The following PPP1R1C variants were observed in gnomAD, a reference collection of about 807,000 sequenced individuals.
The protein encoded by PPP1R1C is protein phosphatase 1 regulatory subunit 1C.
In PPP1R1C, 15 loss-of-function variants were observed where a neutral mutation model predicts 17.4. The observed-to-expected ratio is 0.86, with a 90% CI of 0.58 to 1.33. The LOEUF (loss-of-function observed/expected upper bound fraction) is 1.33, where lower values mean the gene tolerates loss of function less well. PPP1R1C is among the 40% of genes most tolerant of loss of function. The pLI, the probability that PPP1R1C is intolerant of heterozygous loss-of-function variation, is 0.00. For synonymous variants in PPP1R1C, 35 were observed against 43.1 expected, an observed-to-expected ratio of 0.81 and a Z score of 0.73; for missense variants, 143 against 130.0, an observed-to-expected ratio of 1.10 and a Z score of -0.48.
intron 2 of PPP1R1C, among the ~76,000 whole-genome samples, chr2:182,010,345 ATTAAG>A (rs1274325848): frequency 6.6e-6 from 1 of 151,738 alleles, no homozygotes; most frequent in African/African-American, 2.4e-5. Context: ...TACTTCTTTA[ATTAAG>A]TTTATTCCCA....
chr2:182,100,393 C>G (rs1211976333), intron 4 of PPP1R1C, among the ~76,000 whole-genome samples: 1 of 151,824 alleles, frequency 6.6e-6, no homozygotes, highest in Admixed American at 6.6e-5. Context: ...GCCTGTAGTC[C>G]CAGCTACTCG....
At chr2:182,062,326 GTT>G (rs1687874766) in intron 3 of PPP1R1C, among the ~76,000 whole-genome samples, 1 of 152,038 alleles carries the variant, frequency 6.6e-6, no homozygotes. Flanking sequence ...TTATTAGTAA[GTT>G]TACACTGTGT....
chr2:182,098,464 T>C (rs911281682), intron 4 of PPP1R1C, among the ~76,000 whole-genome samples: 1 of 152,158 alleles, frequency 6.6e-6, no homozygotes, highest in African/African-American at 2.4e-5. Context: ...CTAAAGTTAT[T>C]TATGTAAAGA....
intron 4 of PPP1R1C, among the ~76,000 whole-genome samples, chr2:182,090,696 A>G (rs902271319): frequency 6.6e-6 from 1 of 152,206 alleles, no homozygotes; most frequent in African/African-American, 2.4e-5. Flanking sequence ...CTGAGAATAA[A>G]GTCAGAGAAT....
chr2:182,114,027 A>C (rs1689512268), intron 4 of PPP1R1C, among the ~76,000 whole-genome samples: 1 of 152,130 alleles, frequency 6.6e-6, no homozygotes, highest in East Asian at 1.9e-4. Context: ...GTCAAAATTT[A>C]TTTCTTTTCC....
chr2:182,075,935 T>C (rs913200312), intron 4 of PPP1R1C, among the ~76,000 whole-genome samples: 2 of 152,088 alleles, frequency 1.3e-5, no homozygotes, highest in Non-Finnish European at 2.9e-5. Context: ...GCTCACATTA[T>C]GTAAAAATAG....
At chr2:181,985,760 G>A (rs896644956), upstream of PPP1R1C, 2 of 294,142 alleles carry the variant, frequency 6.8e-6, no homozygotes, top group African/African-American at 4.3e-5. This position sits in a 1 kb window ranked among gnomAD's most constrained non-coding sequence, Gnocchi z 4.1. Flanking sequence ...AAATCCCAGG[G>A]CAGTGGGTCC....
chr2:182,021,987 G>C (rs983018109), intron 2 of PPP1R1C, among the ~76,000 whole-genome samples: 5 of 152,168 alleles, frequency 3.3e-5, no homozygotes, highest in Non-Finnish European at 7.3e-5. Context: ...GCTACAATCA[G>C]AGTTAAAAAG....
At chr2:182,104,990 G>A (rs1317334223) in intron 4 of PPP1R1C, among the ~76,000 whole-genome samples, 1 of 151,992 alleles carries the variant, frequency 6.6e-6, no homozygotes, top group Non-Finnish European at 1.5e-5. Context: ...TAGCAGAATG[G>A]AAGAAACTGA....
chr2:181,965,774 T>G (rs186703620), intron 1 of PPP1R1C, among the ~76,000 whole-genome samples: 36 of 152,312 alleles, frequency 2.4e-4, no homozygotes, highest in Non-Finnish European at 1.9e-4. Context: ...CGGGATAGCT[T>G]TGGCTATTCT....
At chr2:182,057,945 G>A (rs140904948) in intron 2 of PPP1R1C, among the ~76,000 whole-genome samples, 1 of 151,964 alleles carries the variant, frequency 6.6e-6, no homozygotes, top group African/African-American at 2.4e-5. Context: ...TTTTTTTAAA[G>A]AGTTTTAGAT....
At chr2:182,043,452 G>A (rs778032726) in intron 2 of PPP1R1C, among the ~76,000 whole-genome samples, 10 of 151,932 alleles carry the variant, frequency 6.6e-5, no homozygotes, top group Admixed American at 5.9e-4. Context: ...TGTTGAAATC[G>A]AGCATAGAAC....
At chr2:182,077,885 A>G (rs548966558) in intron 4 of PPP1R1C, among the ~76,000 whole-genome samples, 4 of 152,346 alleles carry the variant, frequency 2.6e-5, no homozygotes, top group African/African-American at 9.6e-5. Context: ...ATAATGTTTA[A>G]GAAGTGGAAC....
intron 4 of PPP1R1C, among the ~76,000 whole-genome samples, chr2:182,110,943 G>A (rs1158044033): frequency 1.3e-5 from 2 of 152,110 alleles, no homozygotes; most frequent in Non-Finnish European, 2.9e-5. Context: ...AGGGGCACAT[G>A]ACTGTGGAGG....
chr2:182,031,856 A>T (rs550814524), intron 2 of PPP1R1C, among the ~76,000 whole-genome samples: 4 of 152,366 alleles, frequency 2.6e-5, no homozygotes, highest in South Asian at 2.1e-4. Context: ...AAAGAAAAAA[A>T]GATTGATATT....
upstream of PPP1R1C, among the ~76,000 whole-genome samples, chr2:181,985,316 AG>A (rs1385600599): frequency 6.6e-6 from 1 of 152,174 alleles, no homozygotes; most frequent in African/African-American, 2.4e-5. The surrounding 1 kb of genome is among the most constrained non-coding windows in gnomAD (Gnocchi z 4.1). Context: ...TTCTGATGGA[AG>A]TGTGGAGGCC....
Position 182,090,765 on chromosome 2 carries a change from T to C in PPP1R1C, c.242-26442T>C, listed in dbSNP as rs1057013811. Among the ~76,000 whole-genome samples the C allele has an allele frequency of 2.0e-4, 30 of 152,262 alleles. No homozygotes were observed. In the Middle Eastern group the frequency reaches 0.017, roughly 86 times the overall value. ...GATAACTAGTAAGTTTTCCAAAACA[T>C]CTAAAGTTTCAAACAAAAACTTTTA... On this transcript the variant is annotated intron_variant, in intron 4 of 4. Coordinates refer to ENST00000682840, the MANE Select transcript of PPP1R1C (RefSeq NM_001080545.3).
intron 1 of PPP1R1C, among the ~76,000 whole-genome samples, chr2:181,960,962 AT>A (rs1394643577): frequency 1.3e-5 from 2 of 152,192 alleles, no homozygotes; most frequent in African/African-American, 4.8e-5. Context: ...ATATACCCTG[AT>A]TTTAAAAGAT....
At chr2:182,061,584 C>G in intron 3 of PPP1R1C, 105 bp downstream of exon 3, 4 of 575,826 alleles carry the variant, frequency 6.9e-6, no homozygotes, top group Non-Finnish European at 8.6e-6. Flanking sequence ...TGTAATAAAA[C>G]TTTAGATTGC....
Sources: allele counts gnomAD v4.1 joint callset (sites outside exome capture counted in the v4.1 genomes callset), GRCh38; gene constraint gnomAD v4.1.1; non-coding constraint Gnocchi (gnomAD v3.1); transcripts MANE v1.5; gene names NCBI Gene and HGNC (gene_info 2026-07-23, HGNC 2026-07-21).